The following TRAPPC9 variants were observed in gnomAD, a reference collection of about 807,000 sequenced individuals.
TRAPPC9 encodes the protein IKK2 binding protein.
Under a neutral mutation model 124.0 loss-of-function variants are expected in TRAPPC9, and 83 were observed. That is an observed-to-expected ratio of 0.67 (90% CI 0.56 to 0.80). The LOEUF (loss-of-function observed/expected upper bound fraction) is 0.80, where lower values mean the gene tolerates loss of function less well. Ranked by LOEUF, TRAPPC9 falls within the 30% of genes least tolerant of loss-of-function variation. TRAPPC9 has a pLI of 0.00. For missense variants in TRAPPC9, 1,302 were observed against 1,508.3 expected, an observed-to-expected ratio of 0.86 and a Z score of 2.27; for synonymous variants, 638 against 617.5, an observed-to-expected ratio of 1.03 and a Z score of -0.49.
chr8:139,795,314 G>C (rs1044805605), intron 21 of TRAPPC9, among the ~76,000 whole-genome samples: 1 of 151,978 alleles, frequency 6.6e-6, no homozygotes, highest in African/African-American at 2.4e-5. Flanking sequence ...GGAGAGCCAG[G>C]CAGCCATCCC....
chr8:140,221,578 T>C lies in TRAPPC9; in HGVS notation c.2437A>G (p.Ile813Val), dbSNP rs2063339697. 6.2e-7 allele frequency: 1 copy of C among 1,613,760 alleles called. No homozygotes were observed. The highest frequency in any genetic ancestry group is 8.5e-7 in the Non-Finnish European group (1 of 1,179,832). The change falls in exon 17 of 23, where the codon ATC becomes GTC. Residue 813 changes from isoleucine to valine, a missense_variant. This residue lies in a region of TRAPPC9 where 640 missense variants were observed against 679.3 expected (regional missense o/e 0.94). Coordinates refer to ENST00000438773, the MANE Select transcript of TRAPPC9 (RefSeq NM_001160372.4). The stretch of plus-strand genomic sequence containing the variant: ...GACAGGGGAAAGCCACTCACACTGA[T>C]TCCATCTACAAAATAAGAACAAAAA... Reference protein sequence around the residue: ...NLLQDLSDDGISVSGFPLSSP... With the variant: ...NLLQDLSDDGVSVSGFPLSSP...
At chr8:140,326,401 G>A (rs1356874271) in intron 9 of TRAPPC9, among the ~76,000 whole-genome samples, 1 of 152,120 alleles carries the variant, frequency 6.6e-6, no homozygotes, top group African/African-American at 2.4e-5. Context: ...TAGCCTATGT[G>A]CCTCATAAGT....
chr8:140,231,481 C>CTTTTTTTTTTTTTTTTT (rs71320347), intron 16 of TRAPPC9, among the ~76,000 whole-genome samples: 1 of 56,954 alleles, frequency 1.8e-5, no homozygotes, highest in African/African-American at 7.3e-5. Flanking sequence ...ACTGCCTTTT[C>CTTTTTTTTTTTTTTTTT]TTTTTTTTTT....
chr8:139,968,758 C>T (rs1040839067), intron 19 of TRAPPC9, among the ~76,000 whole-genome samples: 1 of 152,192 alleles, frequency 6.6e-6, no homozygotes, highest in African/African-American at 2.4e-5. Context: ...GTCCTCATCC[C>T]GGCCTAGCAA....
chr8:139,762,587 C>T (rs373585573), intron 21 of TRAPPC9, among the ~76,000 whole-genome samples: 1 of 152,296 alleles, frequency 6.6e-6, no homozygotes, highest in East Asian at 1.9e-4. Context: ...CATCTAGACA[C>T]AGAAAAGGTA....
intron 7 of TRAPPC9, among the ~76,000 whole-genome samples, chr8:140,395,847 C>T (rs1246656501): frequency 1.3e-5 from 2 of 152,136 alleles, no homozygotes; most frequent in Non-Finnish European, 2.9e-5. Context: ...TCTTTCCCTC[C>T]ACCACTGCCT....
At chr8:140,174,182 G>A (rs2062018169) in intron 17 of TRAPPC9, among the ~76,000 whole-genome samples, 1 of 151,982 alleles carries the variant, frequency 6.6e-6, no homozygotes, top group Non-Finnish European at 1.5e-5. Flanking sequence ...AGAATATATG[G>A]ACGCATAGAG....
At chr8:140,340,178 A>C (rs538742448) in intron 9 of TRAPPC9, among the ~76,000 whole-genome samples, 1 of 152,246 alleles carries the variant, frequency 6.6e-6, no homozygotes, top group Admixed American at 6.5e-5. Flanking sequence ...TAAATTGGTC[A>C]GTTAAAGATT....
chr8:140,236,286 T>C (rs532279602), intron 16 of TRAPPC9, among the ~76,000 whole-genome samples: 1 of 152,312 alleles, frequency 6.6e-6, no homozygotes, highest in African/African-American at 2.4e-5. Flanking sequence ...ATTCACCATG[T>C]TGGCCAGGCT....
intron 21 of TRAPPC9, among the ~76,000 whole-genome samples, chr8:139,836,097 T>C (rs1428083392): frequency 2.0e-5 from 3 of 152,122 alleles, no homozygotes; most frequent in Non-Finnish European, 4.4e-5. Flanking sequence ...CAGCCTCCAC[T>C]TCCCAGGTTC....
intron 19 of TRAPPC9, among the ~76,000 whole-genome samples, chr8:139,987,353 T>C (rs142615670): frequency 6.6e-6 from 1 of 152,222 alleles, no homozygotes; most frequent in Non-Finnish European, 1.5e-5. Context: ...CACTATTTTA[T>C]ATCCCCACCC....
chr8:140,125,587 C>CTTTTTTTTTTT lies in TRAPPC9; in HGVS notation c.2556+95861_2556+95871dup, dbSNP rs11292333. On this transcript the variant is annotated intron_variant, in intron 17 of 22. Coordinates refer to ENST00000438773, the MANE Select transcript of TRAPPC9 (RefSeq NM_001160372.4). ...GCATGTTCATTTATCGAATCTCATT[C>CTTTTTTTTTTT]TTTTTTTTTTTTTTTTTTTTTTTTT... is the stretch of plus-strand genomic sequence containing the variant. 2.3e-3 allele frequency among the ~76,000 whole-genome samples: 153 copies of CTTTTTTTTTTT among 67,818 alleles called. 13 individuals carry two copies. Among genetic ancestry groups the CTTTTTTTTTTT allele is most frequent in the African/African-American group, 4.2e-3 (68 of 16,276 alleles). The allele number at this position is 67,818 out of a possible 152,430, so 44.5% of individuals were successfully genotyped here.
intron 9 of TRAPPC9, among the ~76,000 whole-genome samples, chr8:140,349,064 C>T (rs1008778311): frequency 7.8e-6 from 1 of 128,054 alleles, no homozygotes; most frequent in Non-Finnish European, 1.6e-5. Flanking sequence ...GGACGTCCGG[C>T]AGAGGGGGCT....
rs146214454 is a variant in TRAPPC9, at chr8:140,043,103, G to A, written c.2557-19024C>T. The stretch of plus-strand genomic sequence containing the variant: ...CTCCCTGCCTGATGAAAGTTAAGGA[G>A]CTAGGACTTGGTGAGGAACGCTGCT... On this transcript the variant is annotated intron_variant, in intron 17 of 22. Coordinates refer to ENST00000438773, the MANE Select transcript of TRAPPC9 (RefSeq NM_001160372.4). 1.2e-3 allele frequency among the ~76,000 whole-genome samples: 188 copies of A among 152,328 alleles called. 4 individuals carry two copies. The highest frequency in any genetic ancestry group is 7.3e-3 in the East Asian group (38 of 5,182).
At chr8:140,262,544 T>A (rs1424367072) in intron 15 of TRAPPC9, 1 of 151,818 alleles carries the variant, frequency 6.6e-6, no homozygotes, top group Non-Finnish European at 1.5e-5. Context: ...GCAAGTTGAA[T>A]GACTTTTAGT....
intron 1 of TRAPPC9, among the ~76,000 whole-genome samples, chr8:140,453,929 C>T (rs750912755): frequency 2.0e-5 from 3 of 152,168 alleles, no homozygotes; most frequent in Non-Finnish European, 4.4e-5. Flanking sequence ...TGAGAAACAC[C>T]GAAGCCTTCA....
chr8:140,453,026 T>C (rs942545374), intron 1 of TRAPPC9, among the ~76,000 whole-genome samples: 5 of 152,212 alleles, frequency 3.3e-5, no homozygotes, highest in Admixed American at 1.3e-4. Flanking sequence ...AAAAGGTATA[T>C]AGGATCCCTC....
chr8:140,413,393 A>C (rs2069778006), intron 5 of TRAPPC9, among the ~76,000 whole-genome samples: 1 of 152,170 alleles, frequency 6.6e-6, no homozygotes, highest in Non-Finnish European at 1.5e-5. Context: ...TCTCAAAAAA[A>C]ATAATAATAA....
chr8:139,853,422 CAA>C (rs1827618015), intron 21 of TRAPPC9, among the ~76,000 whole-genome samples: 1 of 152,184 alleles, frequency 6.6e-6, no homozygotes, highest in Non-Finnish European at 1.5e-5. Flanking sequence ...TCTTATTCAC[CAA>C]AGAGACTCTG....
Sources: gnomAD v4.1 joint callset for allele counts (sites outside exome capture counted in the v4.1 genomes callset) on GRCh38, gnomAD v4.1.1 for gene constraint, gnomAD v4.1.1 regional missense constraint, MANE v1.5 for transcripts, NCBI Gene and HGNC (gene_info 2026-07-23, HGNC 2026-07-21) for gene names.